SLC9A9: variants seen among roughly 807,000 people sequenced by gnomAD.
SLC9A9 encodes the protein sodium/hydrogen exchanger 9.
SLC9A9 carries 62 observed loss-of-function variants against 77.8 expected under a neutral mutation model. The ratio of observed to expected loss-of-function variants is 0.80; its 90% confidence interval spans 0.65 to 0.98. The LOEUF (loss-of-function observed/expected upper bound fraction) is 0.98, where lower values mean the gene tolerates loss of function less well. Ranked by LOEUF, SLC9A9 falls within the 50% of genes least tolerant of loss-of-function variation. The pLI is 0.00. For synonymous variants in SLC9A9, 320 were observed against 283.5 expected, an observed-to-expected ratio of 1.13 and a Z score of -1.29; for missense variants, 775 against 774.9, an observed-to-expected ratio of 1.00 and a Z score of 0.00.
intron 5 of SLC9A9, among the ~76,000 whole-genome samples, chr3:143,668,183 G>C (rs566609627): frequency 1.3e-4 from 20 of 152,110 alleles, no homozygotes; most frequent in Middle Eastern, 3.4e-3. Flanking sequence ...CCTTTGTAGG[G>C]ACATGGATGA....
At chr3:143,730,986 T>G (rs1934790153) in intron 4 of SLC9A9, among the ~76,000 whole-genome samples, 1 of 152,230 alleles carries the variant, frequency 6.6e-6, no homozygotes, top group Non-Finnish European at 1.5e-5. Context: ...ACTGATGCCT[T>G]TGTGGTCTCA....
chr3:143,624,168 C>A (rs565177549), intron 6 of SLC9A9, among the ~76,000 whole-genome samples: 61 of 152,274 alleles, frequency 4.0e-4, no homozygotes, highest in African/African-American at 1.4e-3. Flanking sequence ...GGATTCACAG[C>A]CAAATTCTAC....
intron 4 of SLC9A9, among the ~76,000 whole-genome samples, chr3:143,745,491 C>T (rs547080139): frequency 7.9e-5 from 12 of 152,202 alleles, no homozygotes; most frequent in Admixed American, 1.3e-4. Flanking sequence ...CTGGAAAGAA[C>T]AGAACACTAA....
intron 1 of SLC9A9, among the ~76,000 whole-genome samples, chr3:143,846,633 C>G (rs1197645274): frequency 6.6e-6 from 1 of 151,844 alleles, no homozygotes; most frequent in Non-Finnish European, 1.5e-5. Flanking sequence ...GTCAGTGGAT[C>G]TCTTTAGGCC....
intron 4 of SLC9A9, among the ~76,000 whole-genome samples, chr3:143,726,494 A>T (rs544926770): frequency 2.0e-5 from 3 of 152,350 alleles, no homozygotes; most frequent in Non-Finnish European, 2.9e-5. Flanking sequence ...AGGTAAAAAA[A>T]GTAGGGAATA....
chr3:143,640,025 T>C (rs1483048638), intron 6 of SLC9A9, among the ~76,000 whole-genome samples: 2 of 28,002 alleles, frequency 7.1e-5, no homozygotes, highest in East Asian at 8.1e-4. Flanking sequence ...TTTTCTTTTT[T>C]TTTTTTTTTT....
At chr3:143,628,303 C>T (rs1334885355) in intron 6 of SLC9A9, among the ~76,000 whole-genome samples, 2 of 152,194 alleles carry the variant, frequency 1.3e-5, no homozygotes, top group African/African-American at 2.4e-5. Flanking sequence ...ATTTAATATA[C>T]ACCTAACCAA....
At chr3:143,358,067 A>T (rs1384253431) in intron 14 of SLC9A9, among the ~76,000 whole-genome samples, 1 of 151,674 alleles carries the variant, frequency 6.6e-6, no homozygotes, top group Non-Finnish European at 1.5e-5. Context: ...CATTTCATTT[A>T]AATCTATTAA....
At chr3:143,400,232 T>A (rs1002824907) in intron 12 of SLC9A9, among the ~76,000 whole-genome samples, 1 of 152,208 alleles carries the variant, frequency 6.6e-6, no homozygotes, top group Admixed American at 6.5e-5. Flanking sequence ...ATTTCATGTA[T>A]GGCTAGTATG....
chr3:143,551,068 C>T (rs528688793), intron 9 of SLC9A9, among the ~76,000 whole-genome samples: 32 of 152,214 alleles, frequency 2.1e-4, no homozygotes, highest in African/African-American at 7.2e-4. Context: ...CGTGTCCTTA[C>T]AAAAAGAGGA....
At chr3:143,536,765 T>C (rs1043365843) in intron 9 of SLC9A9, among the ~76,000 whole-genome samples, 3 of 152,200 alleles carry the variant, frequency 2.0e-5, no homozygotes, top group Non-Finnish European at 2.9e-5. Context: ...TAGTTCTAAG[T>C]CTCCACCTAC....
intron 12 of SLC9A9, among the ~76,000 whole-genome samples, chr3:143,398,549 A>G (rs911786105): frequency 5.3e-5 from 8 of 152,184 alleles, no homozygotes; most frequent in Non-Finnish European, 1.0e-4. Flanking sequence ...AAGTTATTGT[A>G]ACACCATGTA....
At chr3:143,759,939 A>G (rs1340323713) in intron 4 of SLC9A9, among the ~76,000 whole-genome samples, 1 of 152,110 alleles carries the variant, frequency 6.6e-6, no homozygotes, top group East Asian at 1.9e-4. Context: ...GCCCACTGAA[A>G]GTTGGATCTC....
chr3:143,476,241 T>G (rs1160961666), intron 11 of SLC9A9, among the ~76,000 whole-genome samples: 1 of 152,224 alleles, frequency 6.6e-6, no homozygotes, highest in African/African-American at 2.4e-5. Context: ...CAGATTGTTT[T>G]CAGTAGGAAA....
intron 9 of SLC9A9, chr3:143,517,694 G>A: frequency 1.9e-6 from 3 of 1,597,600 alleles, no homozygotes; most frequent in Non-Finnish European, 2.5e-6. Context: ...AGCTGAATCA[G>A]GATTTATTTC....
At chr3:143,356,031 A>G (rs984222233) in intron 14 of SLC9A9, among the ~76,000 whole-genome samples, 1 of 152,172 alleles carries the variant, frequency 6.6e-6, no homozygotes, top group Non-Finnish European at 1.5e-5. Context: ...GAGATACCAA[A>G]GCTTATGTAG....
intron 1 of SLC9A9, among the ~76,000 whole-genome samples, chr3:143,838,513 A>G (rs1418448965): frequency 1.3e-5 from 2 of 152,196 alleles, no homozygotes; most frequent in African/African-American, 2.4e-5. Flanking sequence ...CAGAGGAAAC[A>G]GCATTTAGAG....
At chr3:143,391,568 C>T (rs1401344288) in intron 12 of SLC9A9, among the ~76,000 whole-genome samples, 5 of 152,236 alleles carry the variant, frequency 3.3e-5, no homozygotes, top group African/African-American at 1.2e-4. Flanking sequence ...AGGAACACAG[C>T]TCCTTGCCAG....
chr3:143,574,969 G>T (rs1484428451), intron 7 of SLC9A9, among the ~76,000 whole-genome samples: 1 of 152,164 alleles, frequency 6.6e-6, no homozygotes, highest in African/African-American at 2.4e-5. Flanking sequence ...AAGGAGATGT[G>T]ATCGTGTTGC....
Sources: gnomAD v4.1 joint callset for allele counts (sites outside exome capture counted in the v4.1 genomes callset) on GRCh38, gnomAD v4.1.1 for gene constraint, MANE v1.5 for transcripts, NCBI Gene and HGNC (gene_info 2026-07-23, HGNC 2026-07-21) for gene names.